The following CADM2 variants were observed in gnomAD, a reference collection of about 807,000 sequenced individuals.
The protein encoded by CADM2 is immunoglobulin superfamily member 4D.
CADM2 carries 12 observed loss-of-function variants against 49.8 expected under a neutral mutation model. The ratio of observed to expected loss-of-function variants is 0.24; its 90% confidence interval spans 0.15 to 0.39. CADM2 has a LOEUF of 0.39. Among genes scored for constraint, CADM2 ranks in the 10% least tolerant of loss-of-function variants. The probability of loss-of-function intolerance (pLI) is 1.00; values close to 1 mark genes in which losing one functional copy is unlikely to be tolerated. For synonymous variants in CADM2, 214 were observed against 175.4 expected (o/e 1.22, Z -1.74); for missense variants, 378 against 492.3 (o/e 0.77, Z 2.20).
intron 1 of CADM2, among the ~76,000 whole-genome samples, chr3:85,592,928 C>T (rs1262800840): frequency 6.6e-6 from 1 of 151,866 alleles, no homozygotes; most frequent in African/African-American, 2.4e-5. Context: ...TTGTTCAATT[C>T]CCACTTATGA....
chr3:84,987,742 A>G (rs2032655748), intron 1 of CADM2, among the ~76,000 whole-genome samples: 1 of 152,166 alleles, frequency 6.6e-6, no homozygotes, highest in Non-Finnish European at 1.5e-5. Context: ...GTGTATATAG[A>G]ACTTCCAAAG....
intron 1 of CADM2, among the ~76,000 whole-genome samples, chr3:85,567,373 T>A (rs1279253817): frequency 6.6e-6 from 1 of 152,202 alleles, no homozygotes; most frequent in African/African-American, 2.4e-5. Flanking sequence ...CTTCTTTCAA[T>A]GTATTTAAAC....
chr3:85,248,672 GTA>G (rs1374509772), intron 1 of CADM2, among the ~76,000 whole-genome samples: 2 of 152,090 alleles, frequency 1.3e-5, no homozygotes, highest in Non-Finnish European at 2.9e-5. Context: ...GTTGTGGTTT[GTA>G]TACTCACAAA....
intron 1 of CADM2, among the ~76,000 whole-genome samples, chr3:85,463,481 A>C (rs1482594655): frequency 6.6e-6 from 1 of 152,152 alleles, no homozygotes; most frequent in East Asian, 1.9e-4. Flanking sequence ...GAGTCTGTTG[A>C]GAATAAACTC....
intron 1 of CADM2, among the ~76,000 whole-genome samples, chr3:85,609,183 C>T (rs1235759472): frequency 6.6e-6 from 1 of 151,936 alleles, no homozygotes; most frequent in African/African-American, 2.4e-5. Flanking sequence ...GGAATTGCTC[C>T]AGATTCTCAT....
chr3:85,094,764 A>G (rs770126033), intron 1 of CADM2, among the ~76,000 whole-genome samples: 21 of 152,232 alleles, frequency 1.4e-4, no homozygotes, highest in Non-Finnish European at 2.8e-4. Context: ...GCTCAAAGAT[A>G]CGTTTAAATG....
chr3:85,500,527 T>TA (rs2040073483), intron 1 of CADM2, among the ~76,000 whole-genome samples: 1 of 152,020 alleles, frequency 6.6e-6, no homozygotes, highest in Non-Finnish European at 1.5e-5. Context: ...GTGGAATTTT[T>TA]TTTTTTTTGA....
At chr3:85,244,656 C>G (rs1192206867) in intron 1 of CADM2, among the ~76,000 whole-genome samples, 1 of 152,082 alleles carries the variant, frequency 6.6e-6, no homozygotes, top group Non-Finnish European at 1.5e-5. Flanking sequence ...AATTCAATTC[C>G]TCTCCACTGA....
intron 1 of CADM2, among the ~76,000 whole-genome samples, chr3:85,079,289 T>C (rs1414203296): frequency 6.6e-6 from 1 of 151,730 alleles, no homozygotes; most frequent in Non-Finnish European, 1.5e-5. Flanking sequence ...ATAGGAAGTA[T>C]GAGATATTTT....
chr3:85,788,129 A>G (rs2071105441), intron 2 of CADM2, among the ~76,000 whole-genome samples: 1 of 152,090 alleles, frequency 6.6e-6, no homozygotes. Flanking sequence ...AGCTGTTCAC[A>G]GTTGTTTTCC....
intron 8 of CADM2, among the ~76,000 whole-genome samples, chr3:86,036,121 G>T (rs981033297): frequency 2.0e-5 from 3 of 151,916 alleles, no homozygotes; most frequent in African/African-American, 7.3e-5. Context: ...TGAATTTGGG[G>T]GAACACAAAC....
At chr3:86,016,693 C>A (rs938012086) in intron 8 of CADM2, among the ~76,000 whole-genome samples, 1 of 152,058 alleles carries the variant, frequency 6.6e-6, no homozygotes, top group African/African-American at 2.4e-5. Context: ...TAATCTTAAC[C>A]TCCTGAATTC....
chr3:85,980,485 T>A (rs1727340172), intron 8 of CADM2, among the ~76,000 whole-genome samples: 1 of 151,548 alleles, frequency 6.6e-6, no homozygotes, highest in Non-Finnish European at 1.5e-5. Flanking sequence ...ACTAAATAAG[T>A]TTAATGGTAG....
chr3:85,727,053 G>A (rs2067729540), intron 2 of CADM2, among the ~76,000 whole-genome samples: 1 of 152,002 alleles, frequency 6.6e-6, no homozygotes, highest in Non-Finnish European at 1.5e-5. Flanking sequence ...CTAAAAATGT[G>A]TTTTCATGAT....
intron 1 of CADM2, among the ~76,000 whole-genome samples, chr3:85,637,612 A>ACAAT: frequency 8.6e-6 from 1 of 115,862 alleles, no homozygotes; most frequent in South Asian, 3.0e-4. Flanking sequence ...CCGTCTCAAA[A>ACAAT]AAAAAAAAAA....
chr3:85,354,765 G>T (rs1453539236), intron 1 of CADM2, among the ~76,000 whole-genome samples: 1 of 151,972 alleles, frequency 6.6e-6, no homozygotes, highest in Admixed American at 6.6e-5. Context: ...TTACAGGCTG[G>T]TTATCCCACA....
At chr3:85,331,390 T>G (rs1374822873) in intron 1 of CADM2, among the ~76,000 whole-genome samples, 1 of 152,000 alleles carries the variant, frequency 6.6e-6, no homozygotes, top group Non-Finnish European at 1.5e-5. Flanking sequence ...TGTTTTTCTG[T>G]TCCTGACTTA....
At chr3:85,830,585 A>T (rs1303841675) in intron 3 of CADM2, among the ~76,000 whole-genome samples, 1 of 151,746 alleles carries the variant, frequency 6.6e-6, no homozygotes, top group African/African-American at 2.4e-5. Context: ...TCGTATTCAA[A>T]ATATTCATTA....
At chr3:85,219,691 T>TA (rs150662176) in intron 1 of CADM2, among the ~76,000 whole-genome samples, 10,970 of 152,080 alleles carry the variant, frequency 0.072, 1,305 homozygotes, top group African/African-American at 0.25. Context: ...TATTGATTTT[T>TA]AAAAAAATAT....
Sources: allele counts gnomAD v4.1 joint callset (sites outside exome capture counted in the v4.1 genomes callset), GRCh38; gene constraint gnomAD v4.1.1; transcripts MANE v1.5; gene names NCBI Gene and HGNC (gene_info 2026-07-23, HGNC 2026-07-21).